The following LIPI variants were observed in gnomAD, a reference collection of about 807,000 sequenced individuals.
The protein encoded by LIPI is lipase member I.
In LIPI, 59 loss-of-function variants were observed where a neutral mutation model predicts 50.6. The ratio of observed to expected loss-of-function variants is 1.16; its 90% CI spans 0.94 to 1.45. The LOEUF is 1.45. Among genes scored for constraint, LIPI ranks in the 40% most tolerant of loss-of-function variants. The pLI is 0.00. For synonymous variants in LIPI, 203 were observed against 178.2 expected, an observed-to-expected ratio of 1.14 and a Z score of -1.11; for missense variants, 586 against 536.3, an observed-to-expected ratio of 1.09 and a Z score of -0.92.
intron 1 of LIPI, among the ~76,000 whole-genome samples, chr21:14,194,878 A>G (rs1203322104): frequency 6.6e-6 from 1 of 152,232 alleles, no homozygotes; most frequent in Admixed American, 6.5e-5. Flanking sequence ...AATTCCTGTC[A>G]TTATAGATAT....
chr21:14,204,043 A>T (rs1341153250), intron 1 of LIPI, among the ~76,000 whole-genome samples: 2 of 151,910 alleles, frequency 1.3e-5, no homozygotes, highest in Admixed American at 6.6e-5. Context: ...TGCTGAAATC[A>T]CATGGACACA....
At chr21:14,160,289 A>G (rs1328408402) in intron 7 of LIPI, among the ~76,000 whole-genome samples, 1 of 151,422 alleles carries the variant, frequency 6.6e-6, no homozygotes, top group Admixed American at 6.6e-5. Flanking sequence ...GAACACATAC[A>G]TAAATGAAAA....
At chr21:14,173,418 C>T (rs893661722) in intron 4 of LIPI, among the ~76,000 whole-genome samples, 17 of 152,298 alleles carry the variant, frequency 1.1e-4, no homozygotes, top group African/African-American at 4.1e-4. Flanking sequence ...CCCTGTAGAT[C>T]ATTGGACCAC....
intron 9 of LIPI, among the ~76,000 whole-genome samples, chr21:14,116,330 A>T (rs1370089962): frequency 6.6e-6 from 1 of 152,060 alleles, no homozygotes; most frequent in Non-Finnish European, 1.5e-5. Flanking sequence ...TCAGTGCGTA[A>T]GGCCGACAGG....
At chr21:14,116,614 G>A (rs2016651879) in intron 9 of LIPI, among the ~76,000 whole-genome samples, 1 of 152,126 alleles carries the variant, frequency 6.6e-6, no homozygotes, top group Non-Finnish European at 1.5e-5. Context: ...TCTAATGTAG[G>A]GTGGCCAGCT....
At chr21:14,128,298 T>A (rs1042217766) in intron 9 of LIPI, among the ~76,000 whole-genome samples, 1 of 152,096 alleles carries the variant, frequency 6.6e-6, no homozygotes, top group Non-Finnish European at 1.5e-5. Context: ...ATTGACTATA[T>A]TTCTTATTGA....
chr21:14,161,855 A>ATATTAATGTATAATATATACATTAT (rs1568858822), intron 7 of LIPI, among the ~76,000 whole-genome samples: 16 of 116,070 alleles, frequency 1.4e-4, no homozygotes, highest in African/African-American at 4.9e-4. Context: ...ACATTATTAT[A>ATATTAATGTATAATATATACATTAT]TATAATTACA....
intron 1 of LIPI, among the ~76,000 whole-genome samples, chr21:14,204,988 A>G (rs1430979744): frequency 1.3e-5 from 2 of 151,966 alleles, no homozygotes; most frequent in East Asian, 3.9e-4. Context: ...AGTGTTTTCA[A>G]TATAAGGTAG....
chr21:14,141,564 T>C (rs1209372750), intron 9 of LIPI, among the ~76,000 whole-genome samples: 1 of 152,182 alleles, frequency 6.6e-6, no homozygotes, highest in Non-Finnish European at 1.5e-5. Flanking sequence ...AAGTCAACCT[T>C]ATTTCTAAAT....
chr21:14,127,551 TTTTGCTCTGTTGCA>T (rs2017114578), intron 9 of LIPI, among the ~76,000 whole-genome samples: 1 of 152,228 alleles, frequency 6.6e-6, no homozygotes, highest in Non-Finnish European at 1.5e-5. Context: ...TTCTGTTTTC[TTTTGCTCTGTTGCA>T]TATCCTAATG....
Position 14,185,995 on chromosome 21 carries a change from T to C in LIPI, c.507A>G (p.Gly169=). 2 of 1,596,852 alleles carry C rather than the reference T, an allele frequency of 1.3e-6. No homozygotes were observed. Among genetic ancestry groups the C allele is most frequent in the South Asian group, 2.2e-5 (2 of 90,574 alleles). Residue 169 remains glycine, a synonymous_variant, in exon 3 of 10, where the codon GGA becomes GGG. Coordinates refer to ENST00000681601, the MANE Select transcript of LIPI (RefSeq NM_001302998.2). The part of the protein sequence containing the change: ...SLGAHISGFV[G]KIFHGQLGRI... ...TTCCAAGTTGACCATGAAATATCTT[T>C]CCAACAAATCCACTGATATGAGCCC...
chr21:14,122,056 G>C (rs1285294290), intron 9 of LIPI, among the ~76,000 whole-genome samples: 1 of 152,198 alleles, frequency 6.6e-6, no homozygotes, highest in African/African-American at 2.4e-5. Flanking sequence ...TTGCTGTCAT[G>C]CTATCTTTGC....
At chr21:14,170,785 T>C (rs1322322182) in intron 4 of LIPI, among the ~76,000 whole-genome samples, 1 of 150,946 alleles carries the variant, frequency 6.6e-6, no homozygotes, top group Admixed American at 6.6e-5. Context: ...ACTGGAAGCA[T>C]TCCCTTTGAA....
intron 1 of LIPI, among the ~76,000 whole-genome samples, chr21:14,203,856 G>GAAAGAAAGAA (rs371081707): frequency 7.9e-5 from 12 of 151,158 alleles, no homozygotes; most frequent in South Asian, 2.1e-4. Context: ...ATAATAAAAA[G>GAAAGAAAGAA]AGAAAGAAAG....
chr21:14,165,760 G>A (rs1013781245), intron 5 of LIPI, among the ~76,000 whole-genome samples: 3 of 152,136 alleles, frequency 2.0e-5, no homozygotes, highest in African/African-American at 7.2e-5. Context: ...CATGAAACCA[G>A]CTGACCTTAA....
intron 8 of LIPI, 93 bp downstream of exon 8, chr21:14,152,480 A>T (rs899422054): frequency 1.5e-6 from 1 of 669,900 alleles, no homozygotes; most frequent in Non-Finnish European, 2.7e-6. Flanking sequence ...AGATTAAAAA[A>T]TAAACTACAC....
At chr21:14,126,063 G>A (rs2017052973) in intron 9 of LIPI, among the ~76,000 whole-genome samples, 1 of 152,114 alleles carries the variant, frequency 6.6e-6, no homozygotes. Flanking sequence ...TGCAGTTTGG[G>A]TTTAGGAGAA....
At chr21:14,130,771 C>A (rs1266964662) in intron 9 of LIPI, among the ~76,000 whole-genome samples, 2 of 151,784 alleles carry the variant, frequency 1.3e-5, no homozygotes, top group African/African-American at 4.8e-5. Context: ...CTAATGCCAG[C>A]AGCTGTGGGA....
At chr21:14,200,962 C>T (rs1005985630) in intron 1 of LIPI, among the ~76,000 whole-genome samples, 18 of 151,994 alleles carry the variant, frequency 1.2e-4, no homozygotes, top group Non-Finnish European at 2.9e-5. Flanking sequence ...CATAATGCTG[C>T]ACACCTACAA....
Sources: allele counts gnomAD v4.1 joint callset (sites outside exome capture counted in the v4.1 genomes callset), GRCh38; gene constraint gnomAD v4.1.1; transcripts MANE v1.5; gene names NCBI Gene and HGNC (gene_info 2026-07-23, HGNC 2026-07-21).